Variants in MPPED1 observed in about 807,000 individuals in gnomAD.
MPPED1 encodes metallophosphoesterase domain containing 1.
In MPPED1, 16 loss-of-function variants were observed where a neutral mutation model predicts 36.2. That is an observed-to-expected ratio of 0.44 (90% CI 0.30 to 0.67). The LOEUF (loss-of-function observed/expected upper bound fraction) is 0.67, where lower values mean the gene tolerates loss of function less well. Ranked by LOEUF, MPPED1 falls within the 30% of genes least tolerant of loss-of-function variation. MPPED1 has a pLI of 0.10. For missense variants in MPPED1, 307 were observed against 453.4 expected, an observed-to-expected ratio of 0.68 and a Z score of 2.93; for synonymous variants, 199 against 191.3, an observed-to-expected ratio of 1.04 and a Z score of -0.33.
intron 4 of MPPED1, 131 bp downstream of exon 4, chr22:43,475,092 T>C: frequency 1.3e-6 from 1 of 766,408 alleles, no homozygotes; most frequent in Non-Finnish European, 2.1e-6. Flanking sequence ...CTTGACCCCT[T>C]ACCCTCTGTG....
At chr22:43,499,701 GTGA>G (rs755194663) in intron 5 of MPPED1, among the ~76,000 whole-genome samples, 1 of 125,414 alleles carries the variant, frequency 8.0e-6, no homozygotes, top group East Asian at 2.5e-4. Context: ...GGTGGTGGAG[GTGA>G]TGATGGTGGT....
chr22:43,478,760 C>A (rs543713752), intron 4 of MPPED1, among the ~76,000 whole-genome samples: 6 of 152,122 alleles, frequency 3.9e-5, no homozygotes. Context: ...GCCATACCCC[C>A]GTCCACCCAC....
Position 43,424,972 on chromosome 22 carries a change from G to T in MPPED1, c.-14G>T. ...GGCAGCGGTGGGAGATGCCGGGGCG[G>T]CCGGCGGAGGTCCATGTGGCGCTCT... is the stretch of plus-strand genomic sequence containing the variant. On this transcript the variant is annotated 5_prime_UTR_variant, in exon 2 of 7. Coordinates refer to ENST00000443721, the MANE Select transcript of MPPED1 (RefSeq NM_001044370.2). 2 of 1,568,232 alleles carry T rather than the reference G, an allele frequency of 1.3e-6. No individual in the cohort carries two copies. The highest frequency in any genetic ancestry group is 8.6e-7 in the Non-Finnish European group (1 of 1,158,464).
At chr22:43,428,551 G>C (rs920525057) in intron 2 of MPPED1, among the ~76,000 whole-genome samples, 2 of 152,184 alleles carry the variant, frequency 1.3e-5, no homozygotes, top group Non-Finnish European at 2.9e-5. Flanking sequence ...GGGGATGGCT[G>C]CCACTTCCCG....
chr22:43,416,894 C>G, intron 1 of MPPED1: 2 of 733,822 alleles, frequency 2.7e-6, no homozygotes, highest in Non-Finnish European at 3.3e-6. Context: ...GGGGCTCGTT[C>G]TGTGCAATGG....
At chr22:43,448,943 A>G (rs1930460838) in intron 3 of MPPED1, among the ~76,000 whole-genome samples, 1 of 151,952 alleles carries the variant, frequency 6.6e-6, no homozygotes, top group African/African-American at 2.4e-5. Context: ...TGTATATGGG[A>G]ACTACTCTTG....
intron 4 of MPPED1, among the ~76,000 whole-genome samples, chr22:43,475,520 T>TGTG (rs1195403215): frequency 7.7e-4 from 1 of 1,304 alleles, no homozygotes; most frequent in Non-Finnish European, 1.9e-3. Flanking sequence ...TGATGATGGT[T>TGTG]GTGGTGGTGG....
chr22:43,504,260 A>G lies in MPPED1; in HGVS notation c.863-1238A>G, dbSNP rs144629899. Among the ~76,000 whole-genome samples, 605 of 151,956 alleles carry G rather than the reference A, an allele frequency of 4.0e-3. 4 individuals are homozygous for G. The highest frequency in any genetic ancestry group is 0.014 in the African/African-American group (584 of 41,442). Reference sequence around the variant, plus strand: ...GATGATGGTGATTGTGGTGATGATGATAGTGCTGATACAATAATAATGAGG... The same window carrying G: ...GATGATGGTGATTGTGGTGATGATGGTAGTGCTGATACAATAATAATGAGG... On this transcript the variant is annotated intron_variant, in intron 6 of 6. Coordinates refer to ENST00000443721, the MANE Select transcript of MPPED1 (RefSeq NM_001044370.2).
chr22:43,463,440 T>A (rs368183638), intron 3 of MPPED1, among the ~76,000 whole-genome samples: 2 of 151,212 alleles, frequency 1.3e-5, no homozygotes, highest in Non-Finnish European at 3.0e-5. Flanking sequence ...TAAGCTGTCC[T>A]CCCACCTCAG....
intron 4 of MPPED1, among the ~76,000 whole-genome samples, chr22:43,495,597 T>A (rs1272378226): frequency 1.8e-5 from 1 of 55,288 alleles, no homozygotes; most frequent in Non-Finnish European, 4.6e-5. Flanking sequence ...GTGGTGGAGG[T>A]GGTGATGGTG....
intron 2 of MPPED1, 144 bp downstream of exon 2, chr22:43,425,353 A>T: frequency 7.2e-7 from 1 of 1,380,072 alleles, no homozygotes. Context: ...TTCTAGGATC[A>T]TCGGGGCTCT....
chr22:43,488,791 ATAAAGCCGCC>A (rs1472567750), intron 4 of MPPED1, among the ~76,000 whole-genome samples: 1 of 152,268 alleles, frequency 6.6e-6, no homozygotes, highest in Non-Finnish European at 1.5e-5. Context: ...AATTCAGGAC[ATAAAGCCGCC>A]TTCCATGGCT....
chr22:43,425,441 C>T (rs1248220200), intron 2 of MPPED1, among the ~76,000 whole-genome samples: 2 of 152,212 alleles, frequency 1.3e-5, no homozygotes, highest in African/African-American at 2.4e-5. Context: ...TTTCACTTGG[C>T]CAGGAGCATG....
At chr22:43,465,103 G>T (rs1931118870) in intron 3 of MPPED1, among the ~76,000 whole-genome samples, 1 of 152,306 alleles carries the variant, frequency 6.6e-6, no homozygotes, top group East Asian at 1.9e-4. Context: ...GGAACAGATG[G>T]GGAAACTGAG....
intron 6 of MPPED1, among the ~76,000 whole-genome samples, chr22:43,503,250 A>C (rs956001258): frequency 1.3e-5 from 2 of 152,174 alleles, no homozygotes; most frequent in Non-Finnish European, 2.9e-5. Flanking sequence ...TATCATCCAC[A>C]TGGCCACGCC....
Position 43,502,550 on chromosome 22 carries a change from C to T in MPPED1, c.749-94C>T. 2 of 968,212 alleles carry T rather than the reference C, an allele frequency of 2.1e-6. No individual in the cohort carries two copies. Among genetic ancestry groups the T allele is most frequent in the South Asian group, 2.7e-5 (2 of 74,058 alleles). The allele number at this position is 968,212 out of a possible 1,614,324, so 60.0% of individuals were successfully genotyped here. On this transcript the variant is annotated intron_variant, in intron 5 of 6. Transcript: ENST00000443721. This position sits in a 1 kb window ranked among gnomAD's most constrained non-coding sequence, Gnocchi z 5.5. ...AAAGCCGGAGTCCGGAAGCCCCATGCCTTCTCCAGGCTGCAGAAGCTGCTG... is the reference window on the plus strand; with the variant it reads ...AAAGCCGGAGTCCGGAAGCCCCATGTCTTCTCCAGGCTGCAGAAGCTGCTG...
At chr22:43,496,018 G>A (rs1932322919) in intron 4 of MPPED1, among the ~76,000 whole-genome samples, 1 of 91,832 alleles carries the variant, frequency 1.1e-5, no homozygotes, top group Non-Finnish European at 2.3e-5. Flanking sequence ...TGGTGGTGGA[G>A]GTGGTGATGG....
At chr22:43,436,356 G>A (rs1929960344) in intron 3 of MPPED1, among the ~76,000 whole-genome samples, 1 of 152,232 alleles carries the variant, frequency 6.6e-6, no homozygotes. Context: ...GTCCCGCTGT[G>A]CAGTTGGCTG....
intron 3 of MPPED1, among the ~76,000 whole-genome samples, chr22:43,450,009 A>G (rs965845110): frequency 6.6e-6 from 1 of 152,136 alleles, no homozygotes; most frequent in African/African-American, 2.4e-5. Flanking sequence ...GGTGGTTTGT[A>G]GAGCCAGGGA....
Sources: gnomAD v4.1 joint callset for allele counts (sites outside exome capture counted in the v4.1 genomes callset) on GRCh38, gnomAD v4.1.1 for gene constraint, Gnocchi (gnomAD v3.1) non-coding constraint, MANE v1.5 for transcripts, NCBI Gene and HGNC (gene_info 2026-07-23, HGNC 2026-07-21) for gene names.